Variants in FGGY observed in about 807,000 individuals in gnomAD.
FGGY encodes FGGY carbohydrate kinase domain-containing protein.
Under a neutral mutation model 71.3 loss-of-function variants are expected in FGGY, and 72 were observed. The observed-to-expected ratio is 1.01, with a 90% CI of 0.84 to 1.23. The LOEUF (loss-of-function observed/expected upper bound fraction) is 1.23. FGGY is among the 50% of genes most tolerant of loss of function. The probability of loss-of-function intolerance (pLI) is 0.00; values close to 1 mark genes in which losing one functional copy is unlikely to be tolerated. For synonymous variants in FGGY, 251 were observed against 250.3 expected (o/e 1.00, Z -0.02); for missense variants, 668 against 682.3 (o/e 0.98, Z 0.23).
chr1:59,441,180 A>C (rs1337088415), intron 5 of FGGY, among the ~76,000 whole-genome samples: 1 of 151,962 alleles, frequency 6.6e-6, no homozygotes, highest in Admixed American at 6.5e-5. Context: ...AAGGGAGAAG[A>C]CCTAGTACTC....
At chr1:59,372,471 A>T (rs1011539791) in intron 4 of FGGY, among the ~76,000 whole-genome samples, 2 of 152,210 alleles carry the variant, frequency 1.3e-5, no homozygotes, top group African/African-American at 4.8e-5. Flanking sequence ...GCCGAATTCT[A>T]CCAGAGGTAC....
At chr1:59,367,818 G>A (rs1034680972) in intron 4 of FGGY, among the ~76,000 whole-genome samples, 1 of 152,160 alleles carries the variant, frequency 6.6e-6, no homozygotes, top group African/African-American at 2.4e-5. Flanking sequence ...CCCTACCTCC[G>A]CCCTCTGCTT....
chr1:59,366,084 A>T (rs2056533732), intron 4 of FGGY, among the ~76,000 whole-genome samples: 1 of 152,148 alleles, frequency 6.6e-6, no homozygotes, highest in Admixed American at 6.5e-5. Context: ...GAGTATGATG[A>T]GTTTTCATTA....
chr1:59,314,067 G>A (rs2044919310), intron 1 of FGGY, among the ~76,000 whole-genome samples: 1 of 151,738 alleles, frequency 6.6e-6, no homozygotes, highest in African/African-American at 2.4e-5. Context: ...CCAGGTTCAC[G>A]CCATTCTCCT....
chr1:59,506,845 AAAAAGAAAAAAAG>A (rs1247489295), intron 6 of FGGY, among the ~76,000 whole-genome samples: 3 of 152,194 alleles, frequency 2.0e-5, no homozygotes, highest in Non-Finnish European at 4.4e-5. Context: ...AAATTAGAGA[AAAAAGAAAAAAAG>A]GAAAGAAAAA....
chr1:59,638,505 A>G, intron 11 of FGGY, 130 bp downstream of exon 11: 4 of 1,049,026 alleles, frequency 3.8e-6, no homozygotes, highest in Middle Eastern at 6.1e-4. Context: ...CTTTGTGCAG[A>G]TGCATTGCTG....
intron 6 of FGGY, among the ~76,000 whole-genome samples, chr1:59,491,060 T>TTCCCTCCCCTCCC (rs2093833359): frequency 6.6e-5 from 2 of 30,446 alleles, no homozygotes; most frequent in African/African-American, 2.1e-4. Flanking sequence ...CCTTCCTTCC[T>TTCCCTCCCCTCCC]TCCTTCCTTC....
chr1:59,387,949 C>CT lies in FGGY; in HGVS notation c.554+9114dup, dbSNP rs561629818. The stretch of plus-strand genomic sequence containing the variant: ...GGATTCAGAGGGCCACTCACTCTTT[C>CT]TTGCTATTGGAGTTCTGACTGATAG... On this transcript the variant is annotated intron_variant, in intron 5 of 15. Coordinates refer to ENST00000303721, the MANE Select transcript of FGGY (RefSeq NM_018291.5). Among the ~76,000 whole-genome samples the CT allele has an allele frequency of 1.2e-3, 188 of 152,268 alleles. 2 individuals carry two copies. Among genetic ancestry groups the CT allele is most frequent in the South Asian group, 1.5e-3 (7 of 4,820 alleles).
chr1:59,580,117 T>C (rs1558420014), intron 8 of FGGY, among the ~76,000 whole-genome samples: 1 of 152,206 alleles, frequency 6.6e-6, no homozygotes, highest in Non-Finnish European at 1.5e-5. Context: ...CAGACCACCC[T>C]ATATTAAAAT....
At chr1:59,368,500 A>G (rs1275171460) in intron 4 of FGGY, among the ~76,000 whole-genome samples, 2 of 152,160 alleles carry the variant, frequency 1.3e-5, no homozygotes, top group East Asian at 3.9e-4. Context: ...ATGTGTGAGT[A>G]TTGTGTATTA....
chr1:59,662,605 T>C (rs942893827), intron 12 of FGGY, among the ~76,000 whole-genome samples: 2 of 152,202 alleles, frequency 1.3e-5, no homozygotes. Flanking sequence ...GGTGGTCCTA[T>C]AAGATTATGA....
At chr1:59,299,132 A>G (rs2042383735) in intron 1 of FGGY, among the ~76,000 whole-genome samples, 1 of 152,234 alleles carries the variant, frequency 6.6e-6, no homozygotes, top group Non-Finnish European at 1.5e-5. Flanking sequence ...AGGACTTCCC[A>G]GAAGGGAATA....
At chr1:59,615,765 T>C (rs1355102992) in intron 9 of FGGY, among the ~76,000 whole-genome samples, 1 of 152,074 alleles carries the variant, frequency 6.6e-6, no homozygotes, top group East Asian at 1.9e-4. Context: ...AGGGCTAATA[T>C]CCAGAATCTA....
At chr1:59,531,170 T>C (rs1021175983) in intron 7 of FGGY, among the ~76,000 whole-genome samples, 2 of 152,158 alleles carry the variant, frequency 1.3e-5, no homozygotes, top group Non-Finnish European at 2.9e-5. Flanking sequence ...TGAGTGTAAG[T>C]CTCAAATCTG....
intron 10 of FGGY, among the ~76,000 whole-genome samples, chr1:59,634,993 T>TG (rs1451779610): frequency 6.6e-6 from 1 of 152,168 alleles, no homozygotes; most frequent in African/African-American, 2.4e-5. Context: ...TATATCAACC[T>TG]GGGGTTCATG....
At chr1:59,451,477 C>T (rs1286005258) in intron 5 of FGGY, among the ~76,000 whole-genome samples, 3 of 151,232 alleles carry the variant, frequency 2.0e-5, no homozygotes, top group African/African-American at 7.3e-5. Flanking sequence ...GATTTCAATA[C>T]GTATATGCAT....
chr1:59,717,161 TA>T (rs995267565), intron 14 of FGGY, among the ~76,000 whole-genome samples: 3 of 152,300 alleles, frequency 2.0e-5, no homozygotes, highest in Non-Finnish European at 4.4e-5. Flanking sequence ...ATGGGAAAAT[TA>T]GAAATATTCT....
chr1:59,322,476 A>G (rs1365228984), intron 2 of FGGY, among the ~76,000 whole-genome samples: 2 of 152,104 alleles, frequency 1.3e-5, no homozygotes, highest in East Asian at 1.9e-4. Context: ...CCAAAGTCCA[A>G]TTGTATCATT....
At chr1:59,349,153 A>G (rs990586779) in intron 4 of FGGY, among the ~76,000 whole-genome samples, 1 of 152,204 alleles carries the variant, frequency 6.6e-6, no homozygotes, top group Non-Finnish European at 1.5e-5. Flanking sequence ...AACAGGTGAT[A>G]GAGCCAGAAT....
Sources: allele counts gnomAD v4.1 joint callset (sites outside exome capture counted in the v4.1 genomes callset), GRCh38; gene constraint gnomAD v4.1.1; transcripts MANE v1.5; gene names NCBI Gene and HGNC (gene_info 2026-07-23, HGNC 2026-07-21).